SEMA3A: variants seen among roughly 807,000 people sequenced by gnomAD.
SEMA3A encodes semaphorin 3A, also known as semaphorin-3A.
In SEMA3A, 29 loss-of-function variants were observed where a neutral mutation model predicts 97.9. The ratio of observed to expected loss-of-function variants is 0.30; its 90% CI spans 0.22 to 0.40. The LOEUF is 0.40. Ranked by LOEUF, SEMA3A falls within the 10% of genes least tolerant of loss-of-function variation. The pLI is 1.00. For missense variants in SEMA3A, 763 were observed against 951.3 expected, an observed-to-expected ratio of 0.80 and a Z score of 2.60; for synonymous variants, 321 against 323.7, an observed-to-expected ratio of 0.99 and a Z score of 0.09.
chr7:84,248,619 AT>A (rs1012073673), intron 3 of SEMA3A, among the ~76,000 whole-genome samples: 2 of 151,956 alleles, frequency 1.3e-5, no homozygotes, highest in Non-Finnish European at 2.9e-5. Context: ...GAGTTAAAAT[AT>A]TTTTTTCAGA....
Position 83,959,800 on chromosome 7 carries a change from T to G in SEMA3A, c.*1571A>C, listed in dbSNP as rs539961181. 4 of 152,188 alleles carry G rather than the reference T, an allele frequency of 2.6e-5. No individual in the cohort carries two copies. In the South Asian group the frequency reaches 8.3e-4, roughly 32 times the overall value. The allele number at this position is 152,188 out of a possible 1,614,324, so 9.4% of individuals were successfully genotyped here. A position where few individuals can be genotyped will look rare whatever the true frequency, so the allele number is the denominator to read the frequency against. On this transcript the variant is annotated 3_prime_UTR_variant, in exon 17 of 17. Transcript: ENST00000265362. ...AGGAGTCCTGAATAGGTGAGTGCAGTGCAAAAGAAACCACAGTATAATGCT... is the reference window on the plus strand; with the variant it reads ...AGGAGTCCTGAATAGGTGAGTGCAGGGCAAAAGAAACCACAGTATAATGCT...
chr7:83,995,328 C>G (rs1293285118), intron 12 of SEMA3A, among the ~76,000 whole-genome samples: 3 of 152,148 alleles, frequency 2.0e-5, no homozygotes, highest in Non-Finnish European at 4.4e-5. Flanking sequence ...ATTTGGCCAT[C>G]TTGGCTCCTC....
chr7:83,976,085 A>G (rs192773455), intron 15 of SEMA3A, among the ~76,000 whole-genome samples: 19 of 152,310 alleles, frequency 1.2e-4, no homozygotes, highest in Admixed American at 1.0e-3. Context: ...GTCTCCTGGT[A>G]GTAGGATTCC....
intron 1 of SEMA3A, among the ~76,000 whole-genome samples, chr7:84,458,609 C>T (rs547078499): frequency 6.6e-6 from 1 of 152,116 alleles, no homozygotes; most frequent in East Asian, 1.9e-4. Flanking sequence ...GAAAGATCCT[C>T]TAGGCTGTCA....
chr7:83,969,613 A>G (rs1788842436), intron 15 of SEMA3A, among the ~76,000 whole-genome samples: 1 of 152,236 alleles, frequency 6.6e-6, no homozygotes, highest in African/African-American at 2.4e-5. Flanking sequence ...GAAATGAATA[A>G]AAGTTTAATC....
At chr7:84,357,430 C>T (rs1203189647) in intron 2 of SEMA3A, among the ~76,000 whole-genome samples, 1 of 152,042 alleles carries the variant, frequency 6.6e-6, no homozygotes, top group Non-Finnish European at 1.5e-5. Context: ...ATGATGGTTT[C>T]CAGCTTCATC....
intron 2 of SEMA3A, among the ~76,000 whole-genome samples, chr7:84,340,204 G>C (rs1802129677): frequency 6.6e-6 from 1 of 152,080 alleles, no homozygotes; most frequent in South Asian, 2.1e-4. Context: ...ATGCTCTTAA[G>C]AGGAAATTTG....
chr7:84,277,878 T>A (rs1210660009), intron 3 of SEMA3A, among the ~76,000 whole-genome samples: 1 of 152,148 alleles, frequency 6.6e-6, no homozygotes, highest in Non-Finnish European at 1.5e-5. Context: ...TTTGGCTTCC[T>A]TTTTGTTATG....
intron 11 of SEMA3A, among the ~76,000 whole-genome samples, chr7:84,002,705 G>GT (rs1790510123): frequency 6.6e-6 from 1 of 151,850 alleles, no homozygotes; most frequent in Non-Finnish European, 1.5e-5. Flanking sequence ...TATTACTGTG[G>GT]TTTTTCAAAA....
intron 1 of SEMA3A, among the ~76,000 whole-genome samples, chr7:84,467,787 T>C (rs879635320): frequency 6.6e-6 from 1 of 152,172 alleles, no homozygotes; most frequent in Non-Finnish European, 1.5e-5. Flanking sequence ...TTTCCTTTGA[T>C]AGAAAATACC....
chr7:84,326,674 A>G (rs991781721), intron 2 of SEMA3A, among the ~76,000 whole-genome samples: 1 of 151,978 alleles, frequency 6.6e-6, no homozygotes, highest in African/African-American at 2.4e-5. Flanking sequence ...AATATCATAG[A>G]CCTGTTTTTA....
intron 1 of SEMA3A, among the ~76,000 whole-genome samples, chr7:84,484,545 TCACACACACACA>T (rs10573589): frequency 8.7e-5 from 13 of 149,422 alleles, no homozygotes; most frequent in African/African-American, 3.2e-4. Context: ...TTGTTCACTT[TCACACACACACA>T]CACACACACA....
intron 15 of SEMA3A, among the ~76,000 whole-genome samples, chr7:83,966,177 T>C (rs1788686723): frequency 6.6e-6 from 1 of 152,118 alleles, no homozygotes; most frequent in African/African-American, 2.4e-5. Context: ...GTAAAAATAG[T>C]TCTTTCAATA....
chr7:84,456,477 C>G (rs1390062245), intron 1 of SEMA3A, among the ~76,000 whole-genome samples: 1 of 151,786 alleles, frequency 6.6e-6, no homozygotes, highest in African/African-American at 2.4e-5. Context: ...AACCATTTAA[C>G]TTTGAATGGG....
intron 6 of SEMA3A, among the ~76,000 whole-genome samples, chr7:84,041,085 C>A (rs1480139006): frequency 6.6e-6 from 1 of 151,890 alleles, no homozygotes; most frequent in African/African-American, 2.4e-5. Flanking sequence ...TTATTCAGGT[C>A]ACTTTTCTTA....
chr7:84,341,468 A>G (rs1190678793), intron 2 of SEMA3A, among the ~76,000 whole-genome samples: 1 of 152,052 alleles, frequency 6.6e-6, no homozygotes, highest in East Asian at 1.9e-4. Flanking sequence ...ATCACAAGCA[A>G]GTTGTCAACA....
intron 12 of SEMA3A, among the ~76,000 whole-genome samples, chr7:83,996,139 A>G (rs1584523290): frequency 6.6e-6 from 1 of 152,176 alleles, no homozygotes; most frequent in East Asian, 1.9e-4. Flanking sequence ...TGGAAAGAAA[A>G]TCCCAAACTG....
At chr7:84,195,645 T>C (rs546675008), upstream of SEMA3A, among the ~76,000 whole-genome samples, 1 of 152,292 alleles carries the variant, frequency 6.6e-6, no homozygotes, top group African/African-American at 2.4e-5. Flanking sequence ...TTGAGAATTA[T>C]AAATTACAAC....
chr7:84,369,570 C>A (rs1314550928), intron 2 of SEMA3A, among the ~76,000 whole-genome samples: 1 of 150,750 alleles, frequency 6.6e-6, no homozygotes, highest in African/African-American at 2.4e-5. Flanking sequence ...ATTCAACCCC[C>A]AAATTCTGCA....
Sources: allele counts gnomAD v4.1 joint callset (sites outside exome capture counted in the v4.1 genomes callset), GRCh38; gene constraint gnomAD v4.1.1; transcripts MANE v1.5; gene names NCBI Gene and HGNC (gene_info 2026-07-23, HGNC 2026-07-21).